The following CACNA2D3 variants were observed in gnomAD, a reference collection of about 807,000 sequenced individuals.
CACNA2D3 encodes the protein calcium voltage-gated channel auxiliary subunit alpha2delta 3, also known as voltage-dependent calcium channel subunit alpha-2/delta-3.
In CACNA2D3, 60 loss-of-function variants were observed where a neutral mutation model predicts 160.6. The observed-to-expected ratio is 0.37, with a 90% CI of 0.30 to 0.46. The LOEUF (loss-of-function observed/expected upper bound fraction) is 0.46. Ranked by LOEUF, CACNA2D3 falls within the 20% of genes least tolerant of loss-of-function variation. The probability of loss-of-function intolerance (pLI) is 1.00; values close to 1 mark genes in which losing one functional copy is unlikely to be tolerated. For synonymous variants in CACNA2D3, 558 were observed against 492.9 expected (o/e 1.13, Z -1.75); for missense variants, 1,205 against 1,365.0 (o/e 0.88, Z 1.85).
At chr3:55,068,727 A>G (rs1704727635) in intron 35 of CACNA2D3, among the ~76,000 whole-genome samples, 1 of 152,142 alleles carries the variant, frequency 6.6e-6, no homozygotes, top group African/African-American at 2.4e-5. Context: ...CCGAGTGGAC[A>G]TATTCTTGCT....
chr3:54,386,460 A>G (rs1699187624), intron 3 of CACNA2D3, among the ~76,000 whole-genome samples: 1 of 152,224 alleles, frequency 6.6e-6, no homozygotes, highest in Non-Finnish European at 1.5e-5. Context: ...AGGTAAATGG[A>G]TGCAGAACAC....
At chr3:54,661,228 C>A (rs552157196) in intron 11 of CACNA2D3, among the ~76,000 whole-genome samples, 3 of 152,154 alleles carry the variant, frequency 2.0e-5, no homozygotes, top group South Asian at 2.1e-4. Context: ...CCTTCTAGGT[C>A]AAAGCCTGAA....
chr3:54,478,359 G>T (rs1161386041), intron 4 of CACNA2D3, among the ~76,000 whole-genome samples: 1 of 151,932 alleles, frequency 6.6e-6, no homozygotes, highest in Non-Finnish European at 1.5e-5. Flanking sequence ...GCAGCCAGGC[G>T]CAGTGGCTCA....
At chr3:54,929,091 GC>G (rs1701113373) in intron 27 of CACNA2D3, among the ~76,000 whole-genome samples, 2 of 152,162 alleles carry the variant, frequency 1.3e-5, no homozygotes. Flanking sequence ...GTATAATTGA[GC>G]CATTGGGTTT....
intron 17 of CACNA2D3, among the ~76,000 whole-genome samples, chr3:54,867,656 T>C (rs144619125): frequency 1.3e-4 from 20 of 152,244 alleles, no homozygotes; most frequent in African/African-American, 4.3e-4. Flanking sequence ...CAGGACTCTC[T>C]TCATATCTTT....
chr3:55,019,770 C>A (rs1394866581), intron 35 of CACNA2D3, among the ~76,000 whole-genome samples: 1 of 152,142 alleles, frequency 6.6e-6, no homozygotes, highest in African/African-American at 2.4e-5. Flanking sequence ...ATACTTCTGA[C>A]ACATCGTTAA....
At chr3:54,553,295 A>G (rs1049538208) in intron 5 of CACNA2D3, among the ~76,000 whole-genome samples, 1 of 152,262 alleles carries the variant, frequency 6.6e-6, no homozygotes, top group African/African-American at 2.4e-5. Flanking sequence ...TCTACTTAGA[A>G]TGAATGGGAG....
intron 2 of CACNA2D3, among the ~76,000 whole-genome samples, chr3:54,203,699 C>T (rs963739367): frequency 9.2e-5 from 14 of 152,060 alleles, no homozygotes; most frequent in Admixed American, 5.2e-4. Context: ...CGTCTCATCC[C>T]GCTGGTCAGT....
At chr3:54,981,473 CATT>C in intron 29 of CACNA2D3, among the ~76,000 whole-genome samples, 1 of 151,892 alleles carries the variant, frequency 6.6e-6, no homozygotes, top group Middle Eastern at 3.4e-3. Flanking sequence ...TGATTTTTAC[CATT>C]CATTCAACCC....
chr3:54,833,694 A>G (rs1703928064), intron 14 of CACNA2D3, among the ~76,000 whole-genome samples: 5 of 152,170 alleles, frequency 3.3e-5, no homozygotes, highest in Admixed American at 3.3e-4. Context: ...TTGCAAATTG[A>G]TGTGTTTCTC....
intron 2 of CACNA2D3, among the ~76,000 whole-genome samples, chr3:54,313,681 C>G (rs55835864): frequency 0.083 from 12,539 of 151,976 alleles, 653 homozygotes; most frequent in South Asian, 0.13. Context: ...GGGAGTCTCC[C>G]CTCTGGACTT....
intron 12 of CACNA2D3, among the ~76,000 whole-genome samples, chr3:54,763,081 C>G (rs1230705544): frequency 9.7e-6 from 1 of 102,784 alleles, no homozygotes; most frequent in Admixed American, 1.3e-4. Context: ...GAGTGAGACT[C>G]CATCTCAAAA....
intron 29 of CACNA2D3, among the ~76,000 whole-genome samples, chr3:54,970,403 TTCTC>T (rs534457716): frequency 5.0e-4 from 71 of 142,752 alleles, no homozygotes; most frequent in African/African-American, 1.7e-3. Context: ...TCCTCTTCTG[TTCTC>T]TCTCTCTCTC....
At chr3:55,059,175 A>C (rs1174688067) in intron 35 of CACNA2D3, among the ~76,000 whole-genome samples, 1 of 152,184 alleles carries the variant, frequency 6.6e-6, no homozygotes, top group Admixed American at 6.5e-5. Context: ...CTGATGATTC[A>C]TTCTGAGGCT....
At chr3:54,842,130 T>C (rs1232817008) in intron 16 of CACNA2D3, among the ~76,000 whole-genome samples, 2 of 152,258 alleles carry the variant, frequency 1.3e-5, no homozygotes, top group Non-Finnish European at 2.9e-5. Flanking sequence ...GTGTTGTATT[T>C]TGAGATGTGG....
intron 17 of CACNA2D3, among the ~76,000 whole-genome samples, chr3:54,861,608 T>TA (rs2106801188): frequency 6.6e-6 from 1 of 152,278 alleles, no homozygotes; most frequent in South Asian, 2.1e-4. Context: ...TTGGAAGGGT[T>TA]AGAGTACAGG....
chr3:54,987,289 T>C (rs563519036), intron 30 of CACNA2D3, among the ~76,000 whole-genome samples: 1 of 152,312 alleles, frequency 6.6e-6, no homozygotes, highest in East Asian at 1.9e-4. Context: ...CAATTCTTTT[T>C]ATTAGTGCTT....
At chr3:54,971,325 G>A (rs1315788179) in intron 29 of CACNA2D3, among the ~76,000 whole-genome samples, 1 of 152,186 alleles carries the variant, frequency 6.6e-6, no homozygotes, top group East Asian at 1.9e-4. Context: ...TTATTGGAGT[G>A]CTCAGCTCAA....
chr3:54,948,241 TG>T (rs1367120124), intron 27 of CACNA2D3, among the ~76,000 whole-genome samples: 1 of 152,234 alleles, frequency 6.6e-6, no homozygotes, highest in Non-Finnish European at 1.5e-5. Context: ...ATGTGTGATG[TG>T]AGCCCAAGGT....
Sources: allele counts gnomAD v4.1 joint callset (sites outside exome capture counted in the v4.1 genomes callset), GRCh38; gene constraint gnomAD v4.1.1; transcripts MANE v1.5; gene names NCBI Gene and HGNC (gene_info 2026-07-23, HGNC 2026-07-21).